TRPA1: variants seen among roughly 807,000 people sequenced by gnomAD.
The protein encoded by TRPA1 is transient receptor potential cation channel subfamily A member 1.
A neutral mutation model predicts 131.3 loss-of-function variants in TRPA1; 129 were observed. The ratio of observed to expected loss-of-function variants is 0.98; its 90% CI spans 0.85 to 1.14. The LOEUF (loss-of-function observed/expected upper bound fraction) is 1.14. Ranked by LOEUF, TRPA1 falls within the 50% of genes most tolerant of loss-of-function variation. The probability of loss-of-function intolerance (pLI) is 0.00; values close to 1 mark genes in which losing one functional copy is unlikely to be tolerated. For missense variants in TRPA1, 1,304 were observed against 1,354.2 expected (o/e 0.96, Z 0.58); for synonymous variants, 441 against 451.7 (o/e 0.98, Z 0.30).
chr8:72,028,819 G>C (rs978690874), intron 24 of TRPA1, among the ~76,000 whole-genome samples: 5 of 152,304 alleles, frequency 3.3e-5, no homozygotes, highest in East Asian at 1.9e-4. Flanking sequence ...ATAAATAAAT[G>C]TTAGTGTGTG....
upstream of TRPA1, among the ~76,000 whole-genome samples, chr8:72,077,520 T>C (rs996692216): frequency 6.6e-6 from 1 of 152,262 alleles, no homozygotes; most frequent in African/African-American, 2.4e-5. Flanking sequence ...ATTATAGATA[T>C]GATTTTTTTC....
chr8:72,054,091 G>C (rs1294090605), intron 12 of TRPA1: 1 of 550,402 alleles, frequency 1.8e-6, no homozygotes, highest in Non-Finnish European at 3.2e-6. Context: ...TTTACTTAGT[G>C]GTTTAAAATA....
chr8:72,079,498 A>G (rs1012209303), upstream of TRPA1, among the ~76,000 whole-genome samples: 49 of 152,136 alleles, frequency 3.2e-4, no homozygotes, highest in African/African-American at 1.2e-3. Context: ...AACCATTGTC[A>G]AAAATCAATT....
chr8:72,033,911 T>C (rs1563384071), intron 22 of TRPA1, 85 bp from the exon 23 acceptor site: 7 of 1,306,570 alleles, frequency 5.4e-6, no homozygotes, highest in African/African-American at 4.4e-5. Context: ...ATAAAAACTA[T>C]ATTCAGAATA....
chr8:72,080,427 A>G (rs1806267413), upstream of TRPA1, among the ~76,000 whole-genome samples: 1 of 151,782 alleles, frequency 6.6e-6, no homozygotes, highest in South Asian at 2.1e-4. Context: ...ATTAATAGAT[A>G]TTCTAATATT....
chr8:72,089,193 G>T, the TRPA1 span, among the ~76,000 whole-genome samples: 1 of 152,062 alleles, frequency 6.6e-6, no homozygotes, highest in African/African-American at 2.4e-5. Context: ...TGAAGCAGTT[G>T]CCAAAATTTA....
intron 8 of TRPA1, among the ~76,000 whole-genome samples, 168 bp downstream of exon 8, chr8:72,059,222 T>C (rs1376185080): frequency 6.6e-6 from 1 of 152,246 alleles, no homozygotes; most frequent in African/African-American, 2.4e-5. Context: ...TACGTATTCA[T>C]ATGCAATATA....
rs1811923179 is a variant in TRPA1 at position 72,033,733 on chromosome 8, G to C, written c.2779C>G (p.Leu927Val). ...ACTGGATGTGCCAATTCATTTCTCAGATATGGTTCTAGGAAGGACTCTCGA... is the reference window on the plus strand; with the variant it reads ...ACTGGATGTGCCAATTCATTTCTCACATATGGTTCTAGGAAGGACTCTCGA... ...NYRESFLEPY[L>V]RNELAHPVLS... The change falls in exon 23 of 27, where the codon CTG becomes GTG. Residue 927 changes from leucine (L) to valine (V), a missense_variant. Transcript: ENST00000262209. The C allele has an allele frequency of 1.2e-6, 2 of 1,614,008 alleles. No homozygotes were observed. Among genetic ancestry groups the C allele is most frequent in the Non-Finnish European group, 1.7e-6 (2 of 1,179,918 alleles).
Position 72,075,459 on chromosome 8 carries a change from G to T in TRPA1, c.-50C>A. 2 of 1,471,110 alleles carry T rather than the reference G, an allele frequency of 1.4e-6. No individual in the cohort carries two copies. The highest frequency in any genetic ancestry group is 1.9e-6 in the Non-Finnish European group (2 of 1,061,834). 91.1% of individuals were successfully genotyped at this position (1,471,110 alleles called of 1,614,324 possible). A position where few individuals can be genotyped will look rare whatever the true frequency, so the allele number is the denominator to read the frequency against. On this transcript the variant is annotated 5_prime_UTR_variant, in exon 1 of 27. Coordinates refer to ENST00000262209, the MANE Select transcript of TRPA1 (RefSeq NM_007332.3). ...GTGCAGCTGCTCACCACGCGCGCGG[G>T]CACCTGGGGCGAGAGAGCGCTGTCA...
upstream of TRPA1, chr8:72,076,418 C>T (rs1240652065): frequency 6.6e-6 from 1 of 152,032 alleles, no homozygotes; most frequent in Non-Finnish European, 1.5e-5. Context: ...GAACTGTTGC[C>T]GTAAGTTCAG....
At chr8:72,032,016 G>A (rs1288774635) in intron 23 of TRPA1, among the ~76,000 whole-genome samples, 5 of 152,166 alleles carry the variant, frequency 3.3e-5, no homozygotes, top group Admixed American at 1.3e-4. Flanking sequence ...ATGGTGGGAC[G>A]TTTTTCAGGC....
chr8:72,075,795 AT>A (rs1400265681), upstream of TRPA1, among the ~76,000 whole-genome samples: 5 of 151,254 alleles, frequency 3.3e-5, no homozygotes, highest in Non-Finnish European at 7.4e-5. Context: ...GTCGGGGTGG[AT>A]TGCAGAGAAT....
chr8:72,033,904 A>C, intron 22 of TRPA1, 78 bp from the exon 23 acceptor site: 1 of 1,363,590 alleles, frequency 7.3e-7, no homozygotes, highest in Non-Finnish European at 1.0e-6. Context: ...TAGAATGATA[A>C]AAACTATATT....
rs181332429 is a variant in TRPA1 at position 72,027,561 on chromosome 8, A to G, written c.2938-1488T>C. Among the ~76,000 whole-genome samples the G allele has an allele frequency of 1.5e-3, 224 of 152,274 alleles. 1 individual carries two copies. The highest frequency in any genetic ancestry group is 5.2e-3 in the African/African-American group (218 of 41,554). ...CAGCTTCAAGCCCCTCAAAATACTCATAACACCTGCCCCTGAAGAACTGAC... is the reference window on the plus strand; with the variant it reads ...CAGCTTCAAGCCCCTCAAAATACTCGTAACACCTGCCCCTGAAGAACTGAC... On this transcript the variant is annotated intron_variant, in intron 24 of 26. Transcript: ENST00000262209.
upstream of TRPA1, chr8:72,075,719 A>T (rs1205426260): frequency 7.2e-5 from 31 of 431,786 alleles, no homozygotes; most frequent in South Asian, 6.4e-4. Flanking sequence ...CTTCAGGGAC[A>T]AAGTGACTCG....
chr8:72,080,188 AAGAGG>A (rs1204246534), upstream of TRPA1, among the ~76,000 whole-genome samples: 2 of 151,850 alleles, frequency 1.3e-5, no homozygotes, highest in Admixed American at 1.3e-4. Context: ...TGTTGAATAG[AAGAGG>A]AGAGAGTGGA....
At chr8:72,075,996 A>T (rs1469096294), upstream of TRPA1, among the ~76,000 whole-genome samples, 1 of 151,806 alleles carries the variant, frequency 6.6e-6, no homozygotes, top group Non-Finnish European at 1.5e-5. Flanking sequence ...GTTTTTTCTA[A>T]CTAAAATCCT....
At chr8:72,028,611 C>T (rs1157765353) in intron 24 of TRPA1, among the ~76,000 whole-genome samples, 1 of 152,186 alleles carries the variant, frequency 6.6e-6, no homozygotes, top group Non-Finnish European at 1.5e-5. Flanking sequence ...GTATAATATA[C>T]AGCCATGTCA....
At chr8:72,029,780 A>G (rs2129432976) in intron 24 of TRPA1, 121 bp downstream of exon 24, 1 of 941,380 alleles carries the variant, frequency 1.1e-6, no homozygotes, top group African/African-American at 1.6e-5. Context: ...CAGTGTAAGT[A>G]GTATAAATTT....
Sources: allele counts gnomAD v4.1 joint callset (sites outside exome capture counted in the v4.1 genomes callset), GRCh38; gene constraint gnomAD v4.1.1; transcripts MANE v1.5; gene names NCBI Gene and HGNC (gene_info 2026-07-23, HGNC 2026-07-21).